Variants in EFR3B observed in about 807,000 individuals in gnomAD.
EFR3B encodes protein EFR3 homolog B.
A neutral mutation model predicts 104.7 loss-of-function variants in EFR3B; 64 were observed. That is an observed-to-expected ratio of 0.61 (90% CI 0.50 to 0.75). The LOEUF (loss-of-function observed/expected upper bound fraction) is 0.75, where lower values mean the gene tolerates loss of function less well. Ranked by LOEUF, EFR3B falls within the 30% of genes least tolerant of loss-of-function variation. The pLI is 0.00. For missense variants in EFR3B, 750 were observed against 1,078.5 expected (o/e 0.70, Z 4.27); for synonymous variants, 385 against 417.9 (o/e 0.92, Z 0.96).
intron 1 of EFR3B, among the ~76,000 whole-genome samples, chr2:25,087,557 G>T (rs1454297103): frequency 1.3e-5 from 2 of 149,740 alleles, no homozygotes; most frequent in African/African-American, 5.0e-5. Flanking sequence ...TCAGCTCACT[G>T]CAGCCTCCGG....
intron 1 of EFR3B, among the ~76,000 whole-genome samples, chr2:25,043,148 T>G (rs1667619490): frequency 6.6e-5 from 10 of 152,174 alleles, no homozygotes; most frequent in Admixed American, 6.5e-4. Context: ...AGGAATGGAC[T>G]GCATTCCTGA....
intron 4 of EFR3B, among the ~76,000 whole-genome samples, chr2:25,120,181 GC>G (rs1480450037): frequency 2.7e-5 from 4 of 148,998 alleles, no homozygotes; most frequent in Non-Finnish European, 4.4e-5. Context: ...ATGGTGAAAC[GC>G]TGTCTCTACA....
intron 4 of EFR3B, among the ~76,000 whole-genome samples, chr2:25,106,303 T>C (rs1376823465): frequency 6.6e-6 from 1 of 152,130 alleles, no homozygotes; most frequent in East Asian, 1.9e-4. Flanking sequence ...GAGTTTTTTT[T>C]TTTTGAGGCA....
At chr2:25,085,985 T>C (rs1346616774) in intron 1 of EFR3B, among the ~76,000 whole-genome samples, 2 of 152,046 alleles carry the variant, frequency 1.3e-5, no homozygotes, top group Admixed American at 6.6e-5. Flanking sequence ...CCCCATGTAC[T>C]TTTTCTTTTT....
intron 1 of EFR3B, among the ~76,000 whole-genome samples, chr2:25,073,158 C>CT (rs1354436161): frequency 1.3e-5 from 2 of 152,014 alleles, no homozygotes; most frequent in Non-Finnish European, 2.9e-5. Context: ...TGAAGAGGAC[C>CT]AGGGAGCTGC....
rs758007534 is a variant in EFR3B, at chr2:25,141,454, G to A, written c.1922+21G>A. On this transcript the variant is annotated intron_variant, in intron 17 of 22. Coordinates refer to ENST00000403714, the MANE Select transcript of EFR3B (RefSeq NM_014971.2). ...CCCAGGTGAGGAGAGGACGGGGGAC[G>A]TGGTCAGGGATCCCCAGGGCAGCTG... The A allele has an allele frequency of 3.9e-5, 61 of 1,550,120 alleles. 1 individual carries two copies. Among genetic ancestry groups the A allele is most frequent in the Non-Finnish European group, 5.0e-5 (57 of 1,146,354 alleles).
rs528592898 is a variant in EFR3B, at chr2:25,080,111, C to A, written c.8-11214C>A. ...ATTTCAATTTCCACATCTTTTACTG[C>A]CGTGACTATACCCTGTGCAATAACA... On this transcript the variant is annotated intron_variant, in intron 1 of 22. Transcript: ENST00000403714. 1.2e-4 allele frequency: 122 copies of A among 1,007,538 alleles called. No individual in the cohort carries two copies. The African/African-American group carries it at 1.8e-3, about 15-fold the overall frequency. 62.4% of individuals were successfully genotyped at this position (1,007,538 alleles called of 1,614,324 possible).
chr2:25,130,750 A>G lies in EFR3B; in HGVS notation c.849+120A>G. The G allele has an allele frequency of 3.5e-6, 3 of 861,724 alleles. No homozygotes were observed. Among genetic ancestry groups the G allele is most frequent in the Non-Finnish European group, 5.7e-6 (3 of 530,702 alleles). The allele number at this position is 861,724 out of a possible 1,614,324, so 53.4% of individuals were successfully genotyped here. On this transcript the variant is annotated intron_variant, in intron 8 of 22. Transcript: ENST00000403714. This position sits in a 1 kb window ranked among gnomAD's most constrained non-coding sequence, Gnocchi z 4.6. ...ACTCCTCCGAAGCCCCCAGTTGCCG[A>G]AACCAGTGCTGCTTAAGCTAGCTGT...
chr2:25,052,052 C>T (rs1190746688), intron 1 of EFR3B, among the ~76,000 whole-genome samples: 5 of 151,684 alleles, frequency 3.3e-5, no homozygotes, highest in East Asian at 2.0e-4. Context: ...AAAAATTAGC[C>T]GAGCATGGTG....
intron 21 of EFR3B, 37 bp from the exon 22 acceptor site, chr2:25,153,675 C>G (rs754547865): frequency 4.2e-5 from 65 of 1,549,856 alleles, no homozygotes; most frequent in Middle Eastern, 1.7e-4. Flanking sequence ...CTGGACCCCC[C>G]ACCCCTGCCA....
At chr2:25,149,234 G>C (rs1369297393) in intron 19 of EFR3B, among the ~76,000 whole-genome samples, 7 of 152,068 alleles carry the variant, frequency 4.6e-5, no homozygotes, top group Admixed American at 4.6e-4. Flanking sequence ...TATAATCCCA[G>C]CTACTTGGGA....
intron 6 of EFR3B, among the ~76,000 whole-genome samples, chr2:25,128,774 C>T (rs903495008): frequency 4.0e-5 from 6 of 151,278 alleles, no homozygotes; most frequent in Non-Finnish European, 7.4e-5. Context: ...CTGGCTAACA[C>T]GATGAAACCG....
chr2:25,072,798 G>GGACAAGGCTTCTTGCA (rs1181945858), intron 1 of EFR3B, among the ~76,000 whole-genome samples: 2 of 152,054 alleles, frequency 1.3e-5, no homozygotes. Context: ...GCAGCCTTGG[G>GGACAAGGCTTCTTGCA]GCCCACAGGA....
chr2:25,151,772 A>G (rs1671015831), intron 20 of EFR3B, 142 bp from the exon 21 acceptor site: 2 of 826,340 alleles, frequency 2.4e-6, no homozygotes, highest in Non-Finnish European at 3.6e-6. Context: ...AAGTGAGGGC[A>G]CCGCACCTCC....
chr2:25,149,559 G>T, intron 19 of EFR3B, 135 bp from the exon 20 acceptor site: 1 of 819,750 alleles, frequency 1.2e-6, no homozygotes, highest in South Asian at 1.5e-5. Context: ...GGGGGGTGGG[G>T]GTGTCCTGAG....
At position 25,043,601 on chromosome 2, in the gene EFR3B, CAAGT is replaced by C. The variant is rs564991742; in HGVS notation, c.7+1284_7+1287del. Among the ~76,000 whole-genome samples, 142 of 152,282 alleles carry C rather than the reference CAAGT, an allele frequency of 9.3e-4. 1 individual carries two copies. The highest frequency in any genetic ancestry group is 3.2e-3 in the African/African-American group (135 of 41,546). ...GTGAGACATCAGCAGGTCCCCTCAG[CAAGT>C]ACCATTTCTCTTGGACCAAGTGGGA... is the stretch of plus-strand genomic sequence containing the variant. On this transcript the variant is annotated intron_variant, in intron 1 of 22. Coordinates refer to ENST00000403714, the MANE Select transcript of EFR3B (RefSeq NM_014971.2).
In EFR3B at chr2:25,093,055, C is replaced by T. The variant is rs1669177140; in HGVS notation, c.137C>T (p.Ala46Val). 2 of 1,550,754 alleles carry T rather than the reference C, an allele frequency of 1.3e-6. No individual in the cohort carries two copies. Among genetic ancestry groups the T allele is most frequent in the Non-Finnish European group, 1.7e-6 (2 of 1,147,050 alleles). Reference protein sequence around the residue: ...MEKLTFYALSAPEKLDRIGAY... With the variant: ...MEKLTFYALSVPEKLDRIGAY... ...AAGCTGACCTTCTATGCCCTCTCAG[C>T]TCCAGAAAAACTTGATCGTATTGGC... The change falls in exon 3 of 23, where the codon GCT becomes GTT. Residue 46 changes from alanine to valine, a missense_variant. Physicochemically the swap from Ala to Val is moderately conservative, Grantham distance 64. Transcript: ENST00000403714.
At chr2:25,049,940 C>G (rs112843210) in intron 1 of EFR3B, among the ~76,000 whole-genome samples, 15 of 128,330 alleles carry the variant, frequency 1.2e-4, no homozygotes, top group African/African-American at 4.3e-4. Flanking sequence ...CATTGTGAAA[C>G]GACATTTCTA....
chr2:25,067,102 G>A (rs1469187881), intron 1 of EFR3B, among the ~76,000 whole-genome samples: 1 of 152,180 alleles, frequency 6.6e-6, no homozygotes, highest in Non-Finnish European at 1.5e-5. Flanking sequence ...TGTGGCTAGT[G>A]AACACATAAA....
Sources: gnomAD v4.1 joint callset for allele counts (sites outside exome capture counted in the v4.1 genomes callset) on GRCh38, gnomAD v4.1.1 for gene constraint, Gnocchi (gnomAD v3.1) non-coding constraint, MANE v1.5 for transcripts, NCBI Gene and HGNC (gene_info 2026-07-23, HGNC 2026-07-21) for gene names.